CCDC9: variants seen among roughly 807,000 people sequenced by gnomAD.
CCDC9 encodes coiled-coil domain-containing protein 9.
In CCDC9, 52 loss-of-function variants were observed where a neutral mutation model predicts 65.6. The observed-to-expected ratio is 0.79, with a 90% CI of 0.63 to 1.00. CCDC9 has a LOEUF of 1.00. Ranked by LOEUF, CCDC9 falls within the 50% of genes least tolerant of loss-of-function variation. CCDC9 has a pLI of 0.00. For synonymous variants in CCDC9, 332 were observed against 280.3 expected, an observed-to-expected ratio of 1.18 and a Z score of -1.84; for missense variants, 834 against 757.2, an observed-to-expected ratio of 1.10 and a Z score of -1.19.
At chr19:47,268,896 C>T (rs1224876537) in intron 8 of CCDC9, among the ~76,000 whole-genome samples, 2 of 150,178 alleles carry the variant, frequency 1.3e-5, no homozygotes, top group East Asian at 1.9e-4. Flanking sequence ...CCAGCCTGGG[C>T]GACAGAGAGA....
downstream of CCDC9, among the ~76,000 whole-genome samples, chr19:47,272,673 C>T (rs1349671362): frequency 6.6e-6 from 1 of 152,020 alleles, no homozygotes; most frequent in Non-Finnish European, 1.5e-5. Flanking sequence ...AGGCAGACTA[C>T]GAAATTTGAA....
At chr19:47,258,232 GT>G (rs374908911) in intron 1 of CCDC9, 97 bp from the exon 2 acceptor site, 1 of 677,228 alleles carries the variant, frequency 1.5e-6, no homozygotes, top group African/African-American at 1.8e-5. Context: ...GGGGTACAGG[GT>G]TTTTTGTGTA....
intron 8 of CCDC9, among the ~76,000 whole-genome samples, chr19:47,269,873 TC>T (rs35464984): frequency 1.2e-4 from 18 of 152,164 alleles, no homozygotes; most frequent in African/African-American, 4.1e-4. Context: ...TCTGTGGTGA[TC>T]CCCCCAAATT....
At chr19:47,263,479 C>T (rs777742002) in intron 5 of CCDC9, among the ~76,000 whole-genome samples, 2 of 152,130 alleles carry the variant, frequency 1.3e-5, no homozygotes, top group African/African-American at 2.4e-5. Context: ...ATGTGGCTTA[C>T]CAGGGATGCC....
At position 47,271,810 on chromosome 19, in the gene CCDC9, A is replaced by C; in HGVS notation, c.*132A>C. On this transcript the variant is annotated 3_prime_UTR_variant, in exon 12 of 12. Transcript: ENST00000221922. The stretch of plus-strand genomic sequence containing the variant: ...CCCTTGGGGCTGGGCCCTGGGACCC[A>C]GTGTGCCCCACAGCCCTGTCAGCTG... The C allele has an allele frequency of 6.9e-7, 1 of 1,441,834 alleles. No individual in the cohort carries two copies. The highest frequency in any genetic ancestry group is 1.5e-5 in the South Asian group (1 of 68,342). 89.3% of individuals were successfully genotyped at this position (1,441,834 alleles called of 1,614,324 possible). A position where few individuals can be genotyped will look rare whatever the true frequency, so the allele number is the denominator to read the frequency against.
At chr19:47,268,142 C>T (rs901380595) in intron 8 of CCDC9, among the ~76,000 whole-genome samples, 12 of 152,106 alleles carry the variant, frequency 7.9e-5, no homozygotes, top group African/African-American at 9.7e-5. Context: ...CCACCGCGCC[C>T]GGCACCACCA....
Position 47,258,660 on chromosome 19 carries a change from C to T in CCDC9, c.105C>T (p.Tyr35=), listed in dbSNP as rs765141897. The T allele has an allele frequency of 1.2e-6, 2 of 1,612,824 alleles. No homozygotes were observed. The highest frequency in any genetic ancestry group is 1.7e-6 in the Non-Finnish European group (2 of 1,178,782). The change falls in exon 3 of 12, where the codon TAC becomes TAT. Residue 35 remains tyrosine, a synonymous_variant. Coordinates refer to ENST00000221922, the MANE Select transcript of CCDC9 (RefSeq NM_015603.3). ...AGAATGAGGCCCTCATCCGGCGCTA[C>T]CAGGTGCCCTAGCCCCGCCCTGGGA... ...RRKNEALIRR[Y]QEIEEDRKKA...
downstream of CCDC9, chr19:47,272,167 G>A: frequency 8.1e-7 from 1 of 1,234,562 alleles, no homozygotes. Context: ...TCCAGGTGGG[G>A]GAGTGCATGG....
chr19:47,257,978 A>AC (rs1274486320), intron 1 of CCDC9: 1 of 207,564 alleles, frequency 4.8e-6, no homozygotes, highest in Non-Finnish European at 9.9e-6. Context: ...GAGATAGGGA[A>AC]CCCGGGCTAA....
At position 47,266,858 on chromosome 19, in the gene CCDC9, A is replaced by G. The variant is rs893167056; in HGVS notation, c.902+66A>G. 15 of 1,528,574 alleles carry G rather than the reference A, an allele frequency of 9.8e-6. No homozygotes were observed. The East Asian group carries it at 1.2e-4, about 13-fold the overall frequency. 94.7% of individuals were successfully genotyped at this position (1,528,574 alleles called of 1,614,324 possible). On this transcript the variant is annotated intron_variant, in intron 8 of 11. Coordinates refer to ENST00000221922, the MANE Select transcript of CCDC9 (RefSeq NM_015603.3). ...ACCTTGGCCCTGACTTCTAAGTCCTATGCCTCTCTCTGGTTTTTCCTGCTG... is the reference window on the plus strand; with the variant it reads ...ACCTTGGCCCTGACTTCTAAGTCCTGTGCCTCTCTCTGGTTTTTCCTGCTG...
chr19:47,260,475 T>G, intron 4 of CCDC9, 53 bp downstream of exon 4: 1 of 1,607,836 alleles, frequency 6.2e-7, no homozygotes, highest in Non-Finnish European at 8.5e-7. Context: ...GGCAGAGGGT[T>G]GAGGCCTGGG....
In CCDC9 at chr19:47,264,848, T is replaced by G. The variant is rs757868241; in HGVS notation, c.622T>G (p.Ser208Ala). The G allele has an allele frequency of 1.8e-5, 27 of 1,532,926 alleles. No individual in the cohort carries two copies. The South Asian group carries it at 3.3e-4, about 19-fold the overall frequency. The allele number at this position is 1,532,926 out of a possible 1,614,324, so 95.0% of individuals were successfully genotyped here. Residue 208 changes from serine to alanine, a missense_variant, in exon 7 of 12, where the codon TCT (serine) becomes GCT (alanine). By Grantham distance (99) the Ser-to-Ala change is moderately conservative (BLOSUM62 1). Coordinates refer to ENST00000221922, the MANE Select transcript of CCDC9 (RefSeq NM_015603.3). ...GCGACGCAGCGGGCCCCTGGAGGAG[T>G]CTGAGCGGGACCGCCGGGAGGAGAG... The part of the protein sequence containing the change: ...PRRRSGPLEE[S>A]ERDRREESRR...
chr19:47,274,407 G>A (rs2059143205), downstream of CCDC9: 6 of 152,266 alleles, frequency 3.9e-5, no homozygotes, highest in South Asian at 9.9e-4. Flanking sequence ...GGGAACCCGC[G>A]CGGGAGGAGA....
chr19:47,258,604 T>C lies in CCDC9; in HGVS notation c.49T>C (p.Leu17=). 1 of 1,614,082 alleles carries C rather than the reference T, an allele frequency of 6.2e-7. No homozygotes were observed. The highest frequency in any genetic ancestry group is 8.5e-7 in the Non-Finnish European group (1 of 1,180,000). ...ATCAAAGGAGGAGAAGGATGCTGAG[T>C]TGGACAAGAGGATCGAGGCTCTTCG... is the stretch of plus-strand genomic sequence containing the variant. ...LKSKEEKDAE[L]DKRIEALRRK... The change falls in exon 3 of 12, where the codon TTG becomes CTG. Residue 17 remains leucine, a synonymous_variant. Transcript: ENST00000221922.
Position 47,269,271 on chromosome 19 carries a change from C to T in CCDC9, c.903-1136C>T, listed in dbSNP as rs963286193. ...GGTAATTAAGAGGTCTAATGTTAGG[C>T]CCAGAAGGATAATGATGCAGAGTAA... On this transcript the variant is annotated intron_variant, in intron 8 of 11. Coordinates refer to ENST00000221922, the MANE Select transcript of CCDC9 (RefSeq NM_015603.3). Among the ~76,000 whole-genome samples, 11 of 152,110 alleles carry T rather than the reference C, an allele frequency of 7.2e-5. No individual in the cohort carries two copies. In the South Asian group the frequency reaches 1.9e-3, roughly 26 times the overall value.
chr19:47,264,840 T>C lies in CCDC9; in HGVS notation c.614T>C (p.Leu205Pro), dbSNP rs750948280. The change falls in exon 7 of 12, where the codon CTG becomes CCG. Residue 205 changes from leucine to proline, a missense_variant. By Grantham distance (98) the Leu-to-Pro change is moderately conservative. Coordinates refer to ENST00000221922, the MANE Select transcript of CCDC9 (RefSeq NM_015603.3). ...LDDPRRRSGP[L>P]EESERDRREE... ...GACCCCCGGCGACGCAGCGGGCCCC[T>C]GGAGGAGTCTGAGCGGGACCGCCGG... 1 of 1,544,784 alleles carries C rather than the reference T, an allele frequency of 6.5e-7. No individual in the cohort carries two copies. Among genetic ancestry groups the C allele is most frequent in the Non-Finnish European group, 8.7e-7 (1 of 1,145,190 alleles).
downstream of CCDC9, chr19:47,275,295 C>G (rs1249277804): frequency 1.9e-6 from 3 of 1,545,996 alleles, no homozygotes; most frequent in African/African-American, 2.8e-5. Context: ...CCGTCCGAGC[C>G]GCCAGACACC....
At chr19:47,263,116 AAT>A (rs1310570834) in intron 5 of CCDC9, among the ~76,000 whole-genome samples, 5 of 151,786 alleles carry the variant, frequency 3.3e-5, no homozygotes, top group African/African-American at 1.2e-4. Flanking sequence ...AAAAAAAATC[AAT>A]AAATTTTTGC....
downstream of CCDC9, chr19:47,273,579 C>G (rs756927796): frequency 1.1e-4 from 47 of 415,724 alleles, no homozygotes; most frequent in Non-Finnish European, 4.1e-5. Flanking sequence ...GGGGGAGGAG[C>G]CAGGGTCTGC....
Sources: allele counts gnomAD v4.1 joint callset (sites outside exome capture counted in the v4.1 genomes callset), GRCh38; gene constraint gnomAD v4.1.1; transcripts MANE v1.5; gene names NCBI Gene and HGNC (gene_info 2026-07-23, HGNC 2026-07-21).